The following IARS1 variants were observed in gnomAD, a reference collection of about 807,000 sequenced individuals.
IARS1 encodes the protein isoleucyl-tRNA synthetase 1.
IARS1 carries 124 observed loss-of-function variants against 168.2 expected under a neutral mutation model. The ratio of observed to expected loss-of-function variants is 0.74; its 90% CI spans 0.64 to 0.86. The LOEUF (loss-of-function observed/expected upper bound fraction) is 0.86, where lower values mean the gene tolerates loss of function less well. IARS1 is among the 40% of genes least tolerant of loss of function. The pLI, the probability that IARS1 is intolerant of heterozygous loss-of-function variation, is 0.00. For synonymous variants in IARS1, 532 were observed against 529.4 expected (o/e 1.00, Z -0.07); for missense variants, 1,452 against 1,515.8 (o/e 0.96, Z 0.70).
chr9:92,227,604 T>A (rs1460303122), intron 31 of IARS1, among the ~76,000 whole-genome samples: 3 of 144,134 alleles, frequency 2.1e-5, no homozygotes, highest in African/African-American at 7.9e-5. Context: ...GCGGAGGGGC[T>A]CCTCACTTCT....
In IARS1 at chr9:92,260,152, T is replaced by G; in HGVS notation, c.1870A>C (p.Arg624=). The G allele has an allele frequency of 1.2e-6, 2 of 1,605,228 alleles. No homozygotes were observed. The highest frequency in any genetic ancestry group is 1.7e-6 in the Non-Finnish European group (2 of 1,171,842). The change falls in exon 18 of 34, where the codon AGA becomes CGA. Residue 624 remains arginine (R), a splice_region_variant and synonymous_variant. Coordinates refer to ENST00000443024, the MANE Select transcript of IARS1 (RefSeq NM_002161.6). Reference sequence around the variant, plus strand: ...ACAAGGCAAAGCACTGGTTTGTACCTGAGGGCATCAGCACCATACTTCTGG... The same window carrying G: ...ACAAGGCAAAGCACTGGTTTGTACCGGAGGGCATCAGCACCATACTTCTGG... The part of the protein sequence containing the change: ...IIQKYGADAL[R]LYLINSPVVR...
chr9:92,264,923 G>A lies in IARS1; in HGVS notation c.1700+6C>T, dbSNP rs767968265. Reference sequence around the variant, plus strand: ...AAACACGTGATGAAAGAACAAGGAGGCATACCATCCTCTGGTTTGGTCGAT... The same window carrying A: ...AAACACGTGATGAAAGAACAAGGAGACATACCATCCTCTGGTTTGGTCGAT... On this transcript the variant is annotated splice_donor_region_variant and intron_variant, in intron 16 of 33. Transcript: ENST00000443024. The A allele has an allele frequency of 2.5e-6, 4 of 1,606,980 alleles. No individual in the cohort carries two copies. The African/African-American group carries it at 4.0e-5, about 16-fold the overall frequency.
intron 33 of IARS1, among the ~76,000 whole-genome samples, chr9:92,214,504 A>G (rs1478851538): frequency 6.6e-6 from 1 of 152,188 alleles, no homozygotes; most frequent in African/African-American, 2.4e-5. Context: ...TTTCCATCTG[A>G]GGTACCGGGT....
chr9:92,250,091 A>G (rs1445985480), intron 24 of IARS1, 96 bp downstream of exon 24: 6 of 912,736 alleles, frequency 6.6e-6, no homozygotes, highest in Non-Finnish European at 9.0e-6. Flanking sequence ...GAAAAGGAAA[A>G]AGGCCATTGG....
intron 17 of IARS1, among the ~76,000 whole-genome samples, chr9:92,261,756 CCT>C (rs1831562760): frequency 6.6e-6 from 1 of 151,726 alleles, no homozygotes; most frequent in Admixed American, 6.6e-5. Context: ...ACAATTTCCC[CCT>C]TTTTTTTTTT....
intron 32 of IARS1, 87 bp downstream of exon 32, chr9:92,223,259 C>A: frequency 7.9e-7 from 1 of 1,268,764 alleles, no homozygotes. Context: ...ACTTTGAAGC[C>A]GACTAGAAAT....
intron 10 of IARS1, among the ~76,000 whole-genome samples, chr9:92,273,358 T>C (rs1489976162): frequency 6.6e-6 from 1 of 152,186 alleles, no homozygotes. Context: ...CTTTATTGGA[T>C]ATTTATACTG....
At chr9:92,217,521 C>T (rs998909886) in intron 33 of IARS1, among the ~76,000 whole-genome samples, 5 of 140,560 alleles carry the variant, frequency 3.6e-5, no homozygotes, top group African/African-American at 8.6e-5. Context: ...ATTGACAGAC[C>T]ACTAGCAAGA....
intron 30 of IARS1, among the ~76,000 whole-genome samples, chr9:92,235,228 T>C (rs1827305656): frequency 6.6e-6 from 1 of 152,236 alleles, no homozygotes. Context: ...TTCCTCGTCA[T>C]GCCGTGGTCC....
At chr9:92,240,801 A>C in intron 30 of IARS1, 55 bp downstream of exon 30, 1 of 1,043,818 alleles carries the variant, frequency 9.6e-7, no homozygotes, top group Non-Finnish European at 1.5e-6. Context: ...TTGTTTTTTC[A>C]CATCCATAAG....
At chr9:92,287,998 A>G (rs1835719428) in intron 3 of IARS1, 88 bp from the exon 4 acceptor site, 2 of 1,553,376 alleles carry the variant, frequency 1.3e-6, no homozygotes, top group Non-Finnish European at 1.8e-6. Context: ...AAATCAAACT[A>G]CAAATATTAT....
chr9:92,261,000 T>C (rs765864583), intron 17 of IARS1, among the ~76,000 whole-genome samples: 3 of 151,992 alleles, frequency 2.0e-5, no homozygotes, highest in Non-Finnish European at 2.9e-5. Flanking sequence ...AAAATCTCAA[T>C]GGAATTATGT....
At chr9:92,276,786 G>GA in intron 9 of IARS1, among the ~76,000 whole-genome samples, 1 of 152,224 alleles carries the variant, frequency 6.6e-6, no homozygotes. Context: ...TAAGGACGGA[G>GA]AAATTCCTCT....
In IARS1 at chr9:92,228,989, C is replaced by G; in HGVS notation, c.3409+12G>C. On this transcript the variant is annotated intron_variant, in intron 31 of 33. Coordinates refer to ENST00000443024, the MANE Select transcript of IARS1 (RefSeq NM_002161.6). ...AGTCAAAGGACGTAGGCTCCTCTCA[C>G]TTTCCACATACCTGTTTCATCATGG... 1 of 1,613,886 alleles carries G rather than the reference C, an allele frequency of 6.2e-7. No individual in the cohort carries two copies. Among genetic ancestry groups the G allele is most frequent in the Non-Finnish European group, 8.5e-7 (1 of 1,179,994 alleles).
Position 92,281,782 on chromosome 9 carries a change from A to C in IARS1, c.598-889T>G, listed in dbSNP as rs185778760. Among the ~76,000 whole-genome samples, 173 of 152,298 alleles carry C rather than the reference A, an allele frequency of 1.1e-3. 1 individual carries two copies. Among genetic ancestry groups the C allele is most frequent in the African/African-American group, 4.0e-3 (165 of 41,562 alleles). ...CCAACTGCAATTTAAATAAAGTGAC[A>C]CGAGAGCCATTAGTCACATGTAAAA... On this transcript the variant is annotated intron_variant, in intron 6 of 33. Coordinates refer to ENST00000443024, the MANE Select transcript of IARS1 (RefSeq NM_002161.6).
At chr9:92,240,105 G>A (rs977628107) in intron 30 of IARS1, among the ~76,000 whole-genome samples, 1 of 152,096 alleles carries the variant, frequency 6.6e-6, no homozygotes, top group Non-Finnish European at 1.5e-5. Context: ...TAGGTGGTCT[G>A]CTTTCTTCCT....
chr9:92,247,366 T>C lies in IARS1; in HGVS notation c.2791+11A>G. ...GACATAAATGGTGCCCTTGTCTGTG[T>C]AGACACCTACCAGTCTTCTGGAACT... On this transcript the variant is annotated intron_variant, in intron 26 of 33. Coordinates refer to ENST00000443024, the MANE Select transcript of IARS1 (RefSeq NM_002161.6). The C allele has an allele frequency of 1.2e-6, 2 of 1,612,264 alleles. No homozygotes were observed. Among genetic ancestry groups the C allele is most frequent in the Non-Finnish European group, 1.7e-6 (2 of 1,179,116 alleles).
At chr9:92,223,276 A>G (rs1839922091) in intron 32 of IARS1, 70 bp downstream of exon 32, 1 of 1,392,424 alleles carries the variant, frequency 7.2e-7, no homozygotes, top group Admixed American at 2.2e-5. Context: ...AAATACACAC[A>G]TATTTGAATA....
At chr9:92,282,989 G>A (rs1834876013) in intron 6 of IARS1, among the ~76,000 whole-genome samples, 1 of 151,708 alleles carries the variant, frequency 6.6e-6, no homozygotes, top group African/African-American at 2.4e-5. Flanking sequence ...GGAGTAGTTG[G>A]AACTAAAGGT....
Sources: gnomAD v4.1 joint callset for allele counts (sites outside exome capture counted in the v4.1 genomes callset) on GRCh38, gnomAD v4.1.1 for gene constraint, MANE v1.5 for transcripts, NCBI Gene and HGNC (gene_info 2026-07-23, HGNC 2026-07-21) for gene names.